The following NEK10 variants were observed in gnomAD, a reference collection of about 807,000 sequenced individuals.
NEK10 encodes NIMA related kinase 10, also known as serine/threonine-protein kinase Nek10.
NEK10 carries 122 observed loss-of-function variants against 159.8 expected under a neutral mutation model. The observed-to-expected ratio is 0.76, with a 90% confidence interval of 0.66 to 0.89. NEK10 has a LOEUF of 0.89. Ranked by LOEUF, NEK10 falls within the 40% of genes least tolerant of loss-of-function variation. The probability of loss-of-function intolerance (pLI) is 0.00; values close to 1 mark genes in which losing one functional copy is unlikely to be tolerated. For missense variants in NEK10, 1,342 were observed against 1,323.1 expected (o/e 1.01, Z -0.22); for synonymous variants, 466 against 457.1 (o/e 1.02, Z -0.25).
chr3:27,364,295 C>T (rs2048893050), intron 1 of NEK10, among the ~76,000 whole-genome samples: 1 of 151,376 alleles, frequency 6.6e-6, no homozygotes, highest in Non-Finnish European at 1.5e-5. Flanking sequence ...ATTCTCCTGC[C>T]TCAGCCTCCC....
At chr3:27,320,624 G>A (rs2045551961) in intron 6 of NEK10, among the ~76,000 whole-genome samples, 1 of 152,086 alleles carries the variant, frequency 6.6e-6, no homozygotes, top group South Asian at 2.1e-4. Flanking sequence ...CTGTATGGTT[G>A]GTCACAGGAA....
intron 30 of NEK10, among the ~76,000 whole-genome samples, chr3:27,146,605 T>C (rs1220647436): frequency 6.6e-6 from 1 of 152,178 alleles, no homozygotes; most frequent in Non-Finnish European, 1.5e-5. Context: ...GTAACGTAAT[T>C]GTAGTTCAAA....
intron 5 of NEK10, among the ~76,000 whole-genome samples, chr3:27,328,822 G>C (rs1333300550): frequency 1.3e-5 from 2 of 152,118 alleles, no homozygotes; most frequent in Admixed American, 1.3e-4. Context: ...GAGATGATGG[G>C]GGTTTGGACT....
intron 15 of NEK10, 124 bp from the exon 16 acceptor site, chr3:27,293,776 AG>A: frequency 3.6e-6 from 2 of 553,028 alleles, no homozygotes; most frequent in South Asian, 5.5e-5. Context: ...TCCAAGTTGG[AG>A]CCAAAGCTTC....
intron 35 of NEK10, 134 bp from the exon 36 acceptor site, chr3:27,111,454 G>A: frequency 5.9e-6 from 4 of 675,770 alleles, no homozygotes; most frequent in Non-Finnish European, 9.4e-6. Flanking sequence ...ATTTTTGTTA[G>A]GATGGGGACA....
intron 23 of NEK10, among the ~76,000 whole-genome samples, chr3:27,210,648 T>C (rs758274304): frequency 6.6e-6 from 1 of 152,216 alleles, no homozygotes; most frequent in Admixed American, 6.5e-5. Context: ...CATCTGGCCT[T>C]TCCTGAGTTT....
intron 23 of NEK10, chr3:27,216,624 C>T (rs1951557458): frequency 6.6e-6 from 1 of 152,250 alleles, no homozygotes; most frequent in South Asian, 2.1e-4. Context: ...AAAGCCCAGT[C>T]TAGCCATTTA....
intron 6 of NEK10, among the ~76,000 whole-genome samples, chr3:27,321,626 C>T (rs1351900893): frequency 1.3e-5 from 2 of 152,124 alleles, no homozygotes; most frequent in Admixed American, 6.5e-5. Context: ...GGATTATAGG[C>T]GTGAGCCACC....
intron 3 of NEK10, among the ~76,000 whole-genome samples, chr3:27,347,933 G>A (rs560743033): frequency 2.0e-5 from 3 of 152,190 alleles, no homozygotes; most frequent in South Asian, 4.2e-4. Flanking sequence ...TAACTCTAGG[G>A]TTATGAAAAT....
chr3:27,280,912 G>GGGGTGT (rs1553615356), intron 22 of NEK10, among the ~76,000 whole-genome samples: 2 of 137,600 alleles, frequency 1.5e-5, no homozygotes, highest in Admixed American at 7.2e-5. Context: ...ATGTACATAT[G>GGGGTGT]GTGTGTGTGT....
chr3:27,311,225 AT>A, intron 8 of NEK10: 2 of 405,392 alleles, frequency 4.9e-6, no homozygotes, highest in Non-Finnish European at 8.7e-6. Context: ...TTCTAATATT[AT>A]TGTAATAATG....
intron 5 of NEK10, among the ~76,000 whole-genome samples, chr3:27,324,539 G>C (rs1308258960): frequency 6.6e-6 from 1 of 152,014 alleles, no homozygotes; most frequent in Non-Finnish European, 1.5e-5. Context: ...AGCAAATCCT[G>C]TCTGCTCTAC....
At chr3:27,310,362 C>G (rs1019720198) in intron 9 of NEK10, 1 of 152,168 alleles carries the variant, frequency 6.6e-6, no homozygotes, top group African/African-American at 2.4e-5. Flanking sequence ...CACCTAGAAT[C>G]ATCCTCTAGA....
chr3:27,119,824 T>A lies in NEK10; in HGVS notation c.3126A>T (p.Thr1042=). 6.2e-7 allele frequency: 1 copy of A among 1,614,010 alleles called. No homozygotes were observed. Among genetic ancestry groups the A allele is most frequent in the Non-Finnish European group, 8.5e-7 (1 of 1,179,902 alleles). ...AACGATGTAATAAATGGTAATCTGC[T>A]GTGAAAAAGTTGGGCTCAATCGGTT... ...SPEPIEPNFF[T]ADYHLLHRSS... The change falls in exon 33 of 36, where the codon ACA becomes ACT. Residue 1042 remains threonine, a synonymous_variant. Transcript: ENST00000691995.
intron 26 of NEK10, among the ~76,000 whole-genome samples, chr3:27,181,504 G>C (rs559549930): frequency 1.1e-3 from 168 of 152,170 alleles, no homozygotes; most frequent in Admixed American, 2.0e-3. Context: ...AGTGGCAAAG[G>C]CAGAAGAAAA....
intron 30 of NEK10, among the ~76,000 whole-genome samples, chr3:27,157,814 T>C (rs1945633751): frequency 6.6e-6 from 1 of 152,116 alleles, no homozygotes; most frequent in South Asian, 2.1e-4. Context: ...TTTTACAAAA[T>C]TGCTACAACC....
intron 12 of NEK10, 116 bp from the exon 13 acceptor site, chr3:27,301,951 G>C: frequency 1.3e-6 from 1 of 762,128 alleles, no homozygotes; most frequent in South Asian, 1.8e-5. Flanking sequence ...CATCATTATT[G>C]TTTCACTTTC....
rs2047550539 is a variant in NEK10 at position 27,346,285 on chromosome 3, A to G, written c.133-69T>C. 9 of 1,523,080 alleles carry G rather than the reference A, an allele frequency of 5.9e-6. No homozygotes were observed. The Admixed American group carries it at 1.0e-4, about 17-fold the overall frequency. The allele number at this position is 1,523,080 out of a possible 1,614,324, so 94.3% of individuals were successfully genotyped here. A position where few individuals can be genotyped will look rare whatever the true frequency, so the allele number is the denominator to read the frequency against. ...CACGGGATAAAGAAAGTAACAAAAT[A>G]TGGGGAGGATGAAGAGACTGAGATT... On this transcript the variant is annotated intron_variant, in intron 3 of 35. Transcript: ENST00000691995.
chr3:27,273,636 T>C (rs75435371), intron 22 of NEK10, among the ~76,000 whole-genome samples: 4,339 of 152,214 alleles, frequency 0.029, 223 homozygotes, highest in African/African-American at 0.098. Flanking sequence ...CTGAGTAAAA[T>C]GAAAATAATT....
Sources: gnomAD v4.1 joint callset for allele counts (sites outside exome capture counted in the v4.1 genomes callset) on GRCh38, gnomAD v4.1.1 for gene constraint, MANE v1.5 for transcripts, NCBI Gene and HGNC (gene_info 2026-07-23, HGNC 2026-07-21) for gene names.